Variants in RSF1 observed in about 807,000 individuals in gnomAD.
RSF1 encodes HBV pX-associated protein 8.
In RSF1, 13 loss-of-function variants were observed where a neutral mutation model predicts 145.2. The observed-to-expected ratio is 0.09, with a 90% CI of 0.06 to 0.14. The LOEUF is 0.14. RSF1 is among the 10% of genes least tolerant of loss of function. RSF1 has a pLI of 1.00. For synonymous variants in RSF1, 577 were observed against 592.6 expected, an observed-to-expected ratio of 0.97 and a Z score of 0.38; for missense variants, 1,517 against 1,718.2, an observed-to-expected ratio of 0.88 and a Z score of 2.07.
At chr11:77,781,337 G>A (rs1283160483) in intron 1 of RSF1, among the ~76,000 whole-genome samples, 1 of 152,178 alleles carries the variant, frequency 6.6e-6, no homozygotes, top group Non-Finnish European at 1.5e-5. Context: ...GACCTCAAGT[G>A]TTCTGCCCAC....
At chr11:77,768,112 ATATTT>A in intron 1 of RSF1, among the ~76,000 whole-genome samples, 1 of 150,960 alleles carries the variant, frequency 6.6e-6, no homozygotes, top group African/African-American at 2.4e-5. Context: ...TTTTAATAAT[ATATTT>A]TATTTAATGC....
chr11:77,688,006 C>A, intron 9 of RSF1, among the ~76,000 whole-genome samples: 1 of 152,054 alleles, frequency 6.6e-6, no homozygotes, highest in Non-Finnish European at 1.5e-5. Context: ...AGAATACATT[C>A]TCAGCTGGGA....
chr11:77,870,975 C>G, the RSF1 span, among the ~76,000 whole-genome samples: 3 of 152,158 alleles, frequency 2.0e-5, no homozygotes, highest in Non-Finnish European at 4.4e-5. Context: ...CTGTTCCTTA[C>G]TGATGAAGGT....
intron 1 of RSF1, among the ~76,000 whole-genome samples, chr11:77,765,802 C>T (rs190184202): frequency 6.6e-6 from 1 of 152,288 alleles, no homozygotes; most frequent in East Asian, 1.9e-4. Flanking sequence ...GGCTGAAGTG[C>T]CGTGGCACAA....
the RSF1 span, chr11:77,841,213 C>T: frequency 1.4e-6 from 1 of 702,414 alleles, no homozygotes; most frequent in Non-Finnish European, 2.6e-6. Context: ...ATGGCCTAAT[C>T]AGCTCTTAAA....
intron 8 of RSF1, among the ~76,000 whole-genome samples, chr11:77,692,406 G>A (rs1177915985): frequency 7.5e-5 from 9 of 120,230 alleles, no homozygotes; most frequent in Non-Finnish European, 1.1e-4. Flanking sequence ...CACTACGCCC[G>A]GCTAATTTTT....
intron 1 of RSF1, chr11:77,813,274 A>C: frequency 1.5e-6 from 1 of 688,096 alleles, no homozygotes; most frequent in South Asian, 1.6e-5. Flanking sequence ...TGCCATTTAT[A>C]ATTTTTTTTT....
At position 77,748,080 on chromosome 11, in the gene RSF1, AC is replaced by A. The variant is rs1948020813; in HGVS notation, c.280-953del. 3.3e-5 allele frequency among the ~76,000 whole-genome samples: 5 copies of A among 152,216 alleles called. No homozygotes were observed. The South Asian group carries it at 1.0e-3, about 32-fold the overall frequency. ...ACAAGCCAGCTCTCTCAGGTGGGTT[AC>A]CCTTTTCCTAGCCTGCACTAGTGTC... On this transcript the variant is annotated intron_variant, in intron 2 of 15. Transcript: ENST00000308488.
At position 77,729,895 on chromosome 11, in the gene RSF1, C is replaced by CAAAAAAAAAAAAAAAAAAA. The variant is rs398045289; in HGVS notation, c.579-4215_579-4197dup. 1.2e-3 allele frequency among the ~76,000 whole-genome samples: 61 copies of CAAAAAAAAAAAAAAAAAAA among 48,924 alleles called. 4 individuals are homozygous for CAAAAAAAAAAAAAAAAAAA. Among genetic ancestry groups the CAAAAAAAAAAAAAAAAAAA allele is most frequent in the Middle Eastern group, 0.019 (1 of 52 alleles). The allele number at this position is 48,924 out of a possible 152,430, so 32.1% of individuals were successfully genotyped here. A position where few individuals can be genotyped will look rare whatever the true frequency, so the allele number is the denominator to read the frequency against. Reference sequence around the variant, plus strand: ...TATAAATGCCAAATTATTCAGTAGGCAAAAAAAAAAAAAAAAAAAAAAAAA... The same window carrying CAAAAAAAAAAAAAAAAAAA: ...TATAAATGCCAAATTATTCAGTAGGCAAAAAAAAAAAAAAAAAAAAAAAAAAAAAAAAAAAAAAAAAAAA... On this transcript the variant is annotated intron_variant, in intron 4 of 15. Transcript: ENST00000308488.
At chr11:77,729,416 A>C (rs1192132393) in intron 4 of RSF1, among the ~76,000 whole-genome samples, 2 of 152,114 alleles carry the variant, frequency 1.3e-5, no homozygotes, top group Non-Finnish European at 2.9e-5. Flanking sequence ...CCTTAAGTTA[A>C]TCTAGACTTC....
chr11:77,771,214 A>T (rs1348532464), intron 1 of RSF1, among the ~76,000 whole-genome samples: 1 of 152,218 alleles, frequency 6.6e-6, no homozygotes, highest in East Asian at 1.9e-4. Context: ...CAGTAATTTC[A>T]AATCTAGTGA....
intron 7 of RSF1, 45 bp downstream of exon 7, chr11:77,698,442 C>T (rs1296568398): frequency 6.4e-7 from 1 of 1,554,180 alleles, no homozygotes; most frequent in Non-Finnish European, 8.9e-7. Flanking sequence ...GGCAACCTCA[C>T]CATGTCTGTA....
intron 6 of RSF1, among the ~76,000 whole-genome samples, chr11:77,699,970 G>T (rs1274417116): frequency 6.6e-6 from 1 of 152,116 alleles, no homozygotes; most frequent in Admixed American, 6.5e-5. Context: ...GACACTTTAA[G>T]TGAAAAACTC....
At chr11:77,737,621 G>GTGTGTGTGT (rs1554991241) in intron 4 of RSF1, among the ~76,000 whole-genome samples, 5,984 of 93,192 alleles carry the variant, frequency 0.064, 227 homozygotes, top group Middle Eastern at 0.099. Flanking sequence ...TGTTTTGGGG[G>GTGTGTGTGT]GTGTGTGTGT....
At chr11:77,716,550 C>T (rs1203247737) in intron 5 of RSF1, among the ~76,000 whole-genome samples, 1 of 152,152 alleles carries the variant, frequency 6.6e-6, no homozygotes, top group Non-Finnish European at 1.5e-5. Context: ...ATCTCACTTA[C>T]ATGTGGAATC....
At chr11:77,827,473 T>G in the RSF1 span, among the ~76,000 whole-genome samples, 1 of 152,192 alleles carries the variant, frequency 6.6e-6, no homozygotes, top group African/African-American at 2.4e-5. Flanking sequence ...CTATGCAATA[T>G]TGGCTTAAAA....
At chr11:77,815,756 A>C (rs1032551308) in intron 1 of RSF1, among the ~76,000 whole-genome samples, 1 of 139,668 alleles carries the variant, frequency 7.2e-6, no homozygotes, top group African/African-American at 2.5e-5. Context: ...TTAAAAAAAT[A>C]ATCCCCACAA....
At chr11:77,821,011 A>G (rs1300009425), upstream of RSF1, 2 of 482,004 alleles carry the variant, frequency 4.1e-6, no homozygotes, top group Admixed American at 3.8e-5. Flanking sequence ...AGGGGGAATG[A>G]AAACAAGGGA....
At chr11:77,748,372 G>A (rs181383721) in intron 2 of RSF1, among the ~76,000 whole-genome samples, 8 of 151,684 alleles carry the variant, frequency 5.3e-5, no homozygotes, top group African/African-American at 1.9e-4. Flanking sequence ...CTATAGCCGT[G>A]TGCCACCACA....
Sources: gnomAD v4.1 joint callset for allele counts (sites outside exome capture counted in the v4.1 genomes callset) on GRCh38, gnomAD v4.1.1 for gene constraint, MANE v1.5 for transcripts, NCBI Gene and HGNC (gene_info 2026-07-23, HGNC 2026-07-21) for gene names.